The following SFRP4 variants were observed in gnomAD, a reference collection of about 807,000 sequenced individuals.
The protein encoded by SFRP4 is secreted frizzled-related protein 4.
Under a neutral mutation model 36.3 loss-of-function variants are expected in SFRP4, and 25 were observed. That is an observed-to-expected ratio of 0.69 (90% CI 0.50 to 0.96). The LOEUF (loss-of-function observed/expected upper bound fraction) is 0.96. Ranked by LOEUF, SFRP4 falls within the 40% of genes least tolerant of loss-of-function variation. The pLI, the probability that SFRP4 is intolerant of heterozygous loss-of-function variation, is 0.00. For synonymous variants in SFRP4, 182 were observed against 168.8 expected (o/e 1.08, Z -0.60); for missense variants, 487 against 459.6 (o/e 1.06, Z -0.54).
In SFRP4 at chr7:37,906,502, C is replaced by G. The variant is rs1031188792; in HGVS notation, c.*977G>C. The G allele has an allele frequency of 1.3e-5, 2 of 152,112 alleles. No homozygotes were observed. Among genetic ancestry groups the G allele is most frequent in the Non-Finnish European group, 2.9e-5 (2 of 68,010 alleles). 9.4% of individuals were successfully genotyped at this position (152,112 alleles called of 1,614,324 possible). On this transcript the variant is annotated 3_prime_UTR_variant, in exon 6 of 6. Transcript: ENST00000436072. ...CTCTCTGTACATTTATATTTAACTC[C>G]TCTCACATGTATTTAGGCAAAGAAA...
Position 37,906,129 on chromosome 7 carries a change from T to G in SFRP4, c.*1350A>C, listed in dbSNP as rs1306190227. The G allele has an allele frequency of 1.3e-5, 2 of 152,182 alleles. No homozygotes were observed. The allele number at this position is 152,182 out of a possible 1,614,324, so 9.4% of individuals were successfully genotyped here. Reference sequence around the variant, plus strand: ...GGAGGCAGGTTATGAAACACATGTATAGCAGGTTCCTAGTTTTATTTGTTC... The same window carrying G: ...GGAGGCAGGTTATGAAACACATGTAGAGCAGGTTCCTAGTTTTATTTGTTC... On this transcript the variant is annotated 3_prime_UTR_variant, in exon 6 of 6. Transcript: ENST00000436072.
intron 4 of SFRP4, among the ~76,000 whole-genome samples, chr7:37,911,555 T>C (rs905959447): frequency 1.3e-5 from 2 of 152,190 alleles, no homozygotes; most frequent in African/African-American, 2.4e-5. Flanking sequence ...TGTGTATGTG[T>C]ATGAGTGTGT....
Position 37,914,378 on chromosome 7 carries a change from C to T in SFRP4, c.521G>A (p.Ser174Asn), listed in dbSNP as rs1313738957. Residue 174 changes from serine (S) to asparagine (N), a missense_variant, in exon 2 of 6, where the codon AGC becomes AAC. Physicochemically the swap from Ser to Asn is conservative, Grantham distance 46 (BLOSUM62 1). Coordinates refer to ENST00000436072, the MANE Select transcript of SFRP4 (RefSeq NM_003014.4). ...RPLDVDCKRL[S>N]PDRCKCKKVK... ...TCCATGAAGAAAGAACTCACCGGGG[C>T]TTAGGCGTTTACAGTCAACATCAAG... 1.2e-6 allele frequency: 2 copies of T among 1,613,544 alleles called. No homozygotes were observed. Among genetic ancestry groups the T allele is most frequent in the African/African-American group, 1.3e-5 (1 of 75,034 alleles).
rs1375945213 is a variant in SFRP4, at chr7:37,907,569, C to T, written c.951G>A (p.Lys317=). ...CTGGTTTGGGAGCAGGAGGCTTTCC[C>T]TTTGGTTTGGGGGGATTACTACGAC... is the stretch of plus-strand genomic sequence containing the variant. ...RTSRSNPPKP[K]GKPPAPKPAS... The change falls in exon 6 of 6, where the codon AAG becomes AAA. Residue 317 remains lysine (K), a synonymous_variant. Coordinates refer to ENST00000436072, the MANE Select transcript of SFRP4 (RefSeq NM_003014.4). 1 of 1,613,746 alleles carries T rather than the reference C, an allele frequency of 6.2e-7. No homozygotes were observed. The highest frequency in any genetic ancestry group is 1.1e-5 in the South Asian group (1 of 91,056).
In SFRP4 at chr7:37,916,440, C is replaced by T. The variant is rs1278633805; in HGVS notation, c.98G>A (p.Arg33Gln). The T allele has an allele frequency of 1.2e-6, 2 of 1,613,960 alleles. No homozygotes were observed. The highest frequency in any genetic ancestry group is 8.5e-7 in the Non-Finnish European group (1 of 1,179,910). ...CCGCGTGATGTTCCAGGGCATGTGC[C>T]GGCACATAGGGATGCGCACCGCCTC... is the stretch of plus-strand genomic sequence containing the variant. The part of the protein sequence containing the change: ...PCEAVRIPMC[R>Q]HMPWNITRMP... Residue 33 changes from arginine to glutamine, a missense_variant, in exon 1 of 6, where the codon CGG becomes CAG. Transcript: ENST00000436072. This position sits in a 1 kb window ranked among gnomAD's most constrained non-coding sequence, Gnocchi z 4.1.
chr7:37,907,644 C>CT lies in SFRP4; in HGVS notation c.875dup (p.Glu293GlyfsTer19), dbSNP rs777719122. On this transcript the variant is annotated frameshift_variant, in exon 6 of 6. Transcript: ENST00000436072. LOFTEE classifies it high-confidence loss of function. ...TGTCCTGAACTGTTCTCCGCTGTTC[C>CT]TGCAGCCTCTCTTCCCACTGCTGAA... 6.2e-7 allele frequency: 1 copy of CT among 1,611,234 alleles called. No individual in the cohort carries two copies. Among genetic ancestry groups the CT allele is most frequent in the Non-Finnish European group, 8.5e-7 (1 of 1,178,944 alleles).
chr7:37,912,104 C>T lies in SFRP4; in HGVS notation c.791+15G>A. 3 of 1,603,878 alleles carry T rather than the reference C, an allele frequency of 1.9e-6. No individual in the cohort carries two copies. The highest frequency in any genetic ancestry group is 1.7e-6 in the Non-Finnish European group (2 of 1,170,796). ...AACAGTGTGCATACAGTTCCTTCTG[C>T]CTCTTTGTGCCTACCTTGAGCGCCA... is the stretch of plus-strand genomic sequence containing the variant. On this transcript the variant is annotated intron_variant, in intron 4 of 5. Coordinates refer to ENST00000436072, the MANE Select transcript of SFRP4 (RefSeq NM_003014.4).
At position 37,914,234 on chromosome 7, in the gene SFRP4, G is replaced by C; in HGVS notation, c.571C>G (p.Leu191Val). 1 of 1,614,002 alleles carries C rather than the reference G, an allele frequency of 6.2e-7. No individual in the cohort carries two copies. The highest frequency in any genetic ancestry group is 2.2e-5 in the East Asian group (1 of 44,874). Residue 191 changes from leucine to valine, a missense_variant, in exon 3 of 6, where the codon CTC (leucine) becomes GTC (valine). By Grantham distance (32) the Leu-to-Val change is conservative. Transcript: ENST00000436072. ...TTACCATAGCTGTAGTTTTTGCTGA[G>C]ATACGTTGCCAAAGTTGGCTTCACC... ...KKVKPTLATYLSKNYSYVIHA... is the reference protein window; with the variant it reads ...KKVKPTLATYVSKNYSYVIHA...
intron 4 of SFRP4, among the ~76,000 whole-genome samples, chr7:37,910,691 G>T (rs1670209669): frequency 6.6e-6 from 1 of 151,962 alleles, no homozygotes. Context: ...ACAGTATAAA[G>T]TGAAAAGAAT....
chr7:37,915,046 A>G (rs1457762924), intron 1 of SFRP4, among the ~76,000 whole-genome samples: 1 of 152,166 alleles, frequency 6.6e-6, no homozygotes, highest in African/African-American at 2.4e-5. Context: ...ATACAACCAA[A>G]CTGGATAAAT....
At position 37,912,798 on chromosome 7, in the gene SFRP4, A is replaced by G. The variant is rs968414403; in HGVS notation, c.593-481T>C. On this transcript the variant is annotated intron_variant, in intron 3 of 5. Transcript: ENST00000436072. ...GAGTCTCTGAGGACTACTGTTCTCA[A>G]TCTTTTAACTTCACAGACTGACAAA... 6.6e-5 allele frequency among the ~76,000 whole-genome samples: 10 copies of G among 152,356 alleles called. 1 individual carries two copies. The highest frequency in any genetic ancestry group is 2.4e-4 in the African/African-American group (10 of 41,578).
chr7:37,916,417 G>A lies in SFRP4; in HGVS notation c.121C>T (p.Arg41Trp). Residue 41 changes from arginine to tryptophan, a missense_variant, in exon 1 of 6, where the codon CGG (arginine) becomes TGG (tryptophan). Physicochemically the swap from Arg to Trp is moderately radical, Grantham distance 101. Transcript: ENST00000436072. The surrounding 1 kb of genome is among the most constrained non-coding windows in gnomAD (Gnocchi z 4.1). ...MCRHMPWNIT[R>W]MPNHLHHSTQ... ...CTGTGGTGCAGGTGGTTGGGCATCC[G>A]CGTGATGTTCCAGGGCATGTGCCGG... The A allele has an allele frequency of 6.2e-7, 1 of 1,614,132 alleles. No individual in the cohort carries two copies. The highest frequency in any genetic ancestry group is 8.5e-7 in the Non-Finnish European group (1 of 1,179,996).
At chr7:37,912,465 CCA>C in intron 3 of SFRP4, 148 bp from the exon 4 acceptor site, 1 of 636,054 alleles carries the variant, frequency 1.6e-6, no homozygotes, top group South Asian at 1.9e-5. Flanking sequence ...GGCAAACAGC[CCA>C]CACAGTCATA....
chr7:37,914,575 T>C (rs1359329790), intron 1 of SFRP4, 122 bp from the exon 2 acceptor site: 1 of 779,048 alleles, frequency 1.3e-6, no homozygotes, highest in South Asian at 1.5e-5. Flanking sequence ...TATTTAATGG[T>C]AAAAATGGGC....
intron 4 of SFRP4, 70 bp downstream of exon 4, chr7:37,912,049 A>C: frequency 8.2e-7 from 1 of 1,217,438 alleles, no homozygotes; most frequent in Non-Finnish European, 1.2e-6. Context: ...TTTTTAAACC[A>C]TGACTGCTAA....
At chr7:37,909,467 C>A (rs1785447242) in intron 5 of SFRP4, 150 bp downstream of exon 5, 1 of 461,338 alleles carries the variant, frequency 2.2e-6, no homozygotes, top group South Asian at 5.7e-5. Context: ...TAGCTACACT[C>A]TTAACGGCCT....
chr7:37,916,441 G>C lies in SFRP4; in HGVS notation c.97C>G (p.Arg33Gly), dbSNP rs759575847. The C allele has an allele frequency of 1.9e-6, 3 of 1,613,888 alleles. No individual in the cohort carries two copies. The highest frequency in any genetic ancestry group is 1.7e-5 in the Admixed American group (1 of 60,012). Residue 33 changes from arginine (R) to glycine (G), a missense_variant, in exon 1 of 6, where the codon CGG (arginine) becomes GGG (glycine). By Grantham distance (125) the Arg-to-Gly change is moderately radical. Coordinates refer to ENST00000436072, the MANE Select transcript of SFRP4 (RefSeq NM_003014.4). The surrounding 1 kb of genome is among the most constrained non-coding windows in gnomAD (Gnocchi z 4.1). ...CGCGTGATGTTCCAGGGCATGTGCC[G>C]GCACATAGGGATGCGCACCGCCTCG... ...PCEAVRIPMC[R>G]HMPWNITRMP...
In SFRP4 at chr7:37,915,966, C is replaced by A. The variant is rs528961031; in HGVS notation, c.445+127G>T. ...CTTTTTCTGAAGAAAATGTTTCCCC[C>A]ATTCTTTCCCACCTCCTACAAGCCT... On this transcript the variant is annotated intron_variant, in intron 1 of 5. Transcript: ENST00000436072. 13 of 1,367,984 alleles carry A rather than the reference C, an allele frequency of 9.5e-6. No individual in the cohort carries two copies. The African/African-American group carries it at 1.8e-4, about 18-fold the overall frequency. 84.7% of individuals were successfully genotyped at this position (1,367,984 alleles called of 1,614,324 possible).
chr7:37,908,444 A>G (rs1259580258), intron 5 of SFRP4, among the ~76,000 whole-genome samples: 1 of 152,220 alleles, frequency 6.6e-6, no homozygotes, highest in African/African-American at 2.4e-5. Flanking sequence ...TAGGAATGCA[A>G]AGAAAAGAAA....
Sources: allele counts gnomAD v4.1 joint callset (sites outside exome capture counted in the v4.1 genomes callset), GRCh38; gene constraint gnomAD v4.1.1; non-coding constraint Gnocchi (gnomAD v3.1); transcripts MANE v1.5; gene names NCBI Gene and HGNC (gene_info 2026-07-23, HGNC 2026-07-21).